RTN3: variants seen among roughly 807,000 people sequenced by gnomAD.
RTN3 encodes reticulon 3, also known as reticulon-3.
A neutral mutation model predicts 77.8 loss-of-function variants in RTN3; 49 were observed. The observed-to-expected ratio is 0.63, with a 90% CI of 0.50 to 0.80. RTN3 has a LOEUF of 0.80. Among genes scored for constraint, RTN3 ranks in the 30% least tolerant of loss-of-function variants. The pLI, the probability that RTN3 is intolerant of heterozygous loss-of-function variation, is 0.00. For synonymous variants in RTN3, 464 were observed against 446.9 expected, an observed-to-expected ratio of 1.04 and a Z score of -0.48; for missense variants, 1,236 against 1,211.9, an observed-to-expected ratio of 1.02 and a Z score of -0.29.
At chr11:63,746,722 G>A (rs2013818973) in intron 3 of RTN3, among the ~76,000 whole-genome samples, 1 of 151,996 alleles carries the variant, frequency 6.6e-6, no homozygotes, top group African/African-American at 2.4e-5. Context: ...CACGATGTTA[G>A]CCAGGATGGT....
intron 3 of RTN3, among the ~76,000 whole-genome samples, chr11:63,735,585 T>TCTCTCTCTCTCTCTCC: frequency 6.7e-6 from 1 of 149,104 alleles, no homozygotes; most frequent in African/African-American, 2.5e-5. Flanking sequence ...TCTCTCTCTC[T>TCTCTCTCTCTCTCTCC]CTCTCTCTCT....
At position 63,720,232 on chromosome 11, in the gene RTN3, C is replaced by CT. The variant is rs745515160; in HGVS notation, c.1731dup (p.Ser578Ter). Reference sequence around the variant, plus strand: ...CCTGATATTCTTGGAAGGAGTCCAGCTAGTGAGGCAGCATGTTCAAAAGTA... The same window carrying CT: ...CCTGATATTCTTGGAAGGAGTCCAGCTTAGTGAGGCAGCATGTTCAAAAGTA... On this transcript the variant is annotated frameshift_variant, in exon 3 of 9. Transcript: ENST00000377819. LOFTEE classifies it high-confidence loss of function. 7 of 1,614,082 alleles carry CT rather than the reference C, an allele frequency of 4.3e-6. No individual in the cohort carries two copies. Among genetic ancestry groups the CT allele is most frequent in the Non-Finnish European group, 5.9e-6 (7 of 1,179,978 alleles).
chr11:63,752,233 C>T (rs375313379), intron 4 of RTN3, among the ~76,000 whole-genome samples: 13 of 150,646 alleles, frequency 8.6e-5, no homozygotes, highest in East Asian at 5.8e-4. Context: ...AATGGATTTA[C>T]CTTCATGAAT....
In RTN3 at chr11:63,758,262, T is replaced by TA; in HGVS notation, c.*62dup. Reference sequence around the variant, plus strand: ...CACCATTTAATAGTTATAACGTCGTTACTTGTACTATGAAGGAAAATACTC... The same window carrying TA: ...CACCATTTAATAGTTATAACGTCGTTAACTTGTACTATGAAGGAAAATACTC... On this transcript the variant is annotated 3_prime_UTR_variant, in exon 9 of 9. Transcript: ENST00000377819. 6.2e-7 allele frequency: 1 copy of TA among 1,613,720 alleles called. No individual in the cohort carries two copies. Among genetic ancestry groups the TA allele is most frequent in the Middle Eastern group, 1.7e-4 (1 of 6,060 alleles).
chr11:63,734,773 A>ACG (rs1279945851), intron 3 of RTN3, among the ~76,000 whole-genome samples: 2 of 147,122 alleles, frequency 1.4e-5, no homozygotes, highest in South Asian at 2.2e-4. Flanking sequence ...ACACACACAC[A>ACG]CACACACACC....
chr11:63,724,508 T>TAA (rs1337620457), intron 3 of RTN3, among the ~76,000 whole-genome samples: 2 of 123,472 alleles, frequency 1.6e-5, no homozygotes, highest in African/African-American at 6.9e-5. Context: ...TTTTTTTTTT[T>TAA]AAAGACAGAG....
intron 3 of RTN3, among the ~76,000 whole-genome samples, chr11:63,734,713 TAGAG>T (rs1214781833): frequency 2.2e-5 from 3 of 133,782 alleles, no homozygotes; most frequent in Admixed American, 1.5e-4. Context: ...GCCTGGGTGA[TAGAG>T]GGAGACTCTG....
intron 1 of RTN3, among the ~76,000 whole-genome samples, chr11:63,693,306 A>G (rs542369317): frequency 1.3e-5 from 2 of 152,240 alleles, no homozygotes; most frequent in South Asian, 4.2e-4. Flanking sequence ...CAACATGGAG[A>G]AACGCCATCT....
intron 1 of RTN3, among the ~76,000 whole-genome samples, chr11:63,685,849 T>C (rs992916561): frequency 2.6e-5 from 4 of 152,168 alleles, no homozygotes; most frequent in Non-Finnish European, 4.4e-5. Flanking sequence ...ACCTGTCCAG[T>C]AATTAATTTT....
rs11231583 is a variant in RTN3, at chr11:63,748,584, A to G, written c.2531-1407A>G. Among the ~76,000 whole-genome samples, 838 of 150,926 alleles carry G rather than the reference A, an allele frequency of 5.6e-3. 6 individuals are homozygous for G. Among genetic ancestry groups the G allele is most frequent in the African/African-American group, 0.02 (816 of 40,992 alleles). On this transcript the variant is annotated intron_variant, in intron 3 of 8. Coordinates refer to ENST00000377819, the MANE Select transcript of RTN3 (RefSeq NM_001265589.2). ...AGTCTGGTCTTGAGCTCCTGGCCTC[A>G]AGTGATCCACCAGCCTCGGACTCCC...
chr11:63,702,961 A>G (rs1440609845), intron 1 of RTN3, among the ~76,000 whole-genome samples: 1 of 152,114 alleles, frequency 6.6e-6, no homozygotes, highest in Non-Finnish European at 1.5e-5. Context: ...CTGGGATTAC[A>G]GGTGTGAGCC....
At chr11:63,691,186 T>C (rs1941638787) in intron 1 of RTN3, among the ~76,000 whole-genome samples, 1 of 146,104 alleles carries the variant, frequency 6.8e-6, no homozygotes, top group South Asian at 2.2e-4. Flanking sequence ...AGTGGCACGA[T>C]CTCTGCTCAC....
chr11:63,751,204 A>C (rs1442007403), intron 4 of RTN3, among the ~76,000 whole-genome samples: 1 of 152,204 alleles, frequency 6.6e-6, no homozygotes, highest in Non-Finnish European at 1.5e-5. Context: ...GGGAAAGCAG[A>C]GCACCTAGAG....
At chr11:63,724,525 C>T (rs1189973050) in intron 3 of RTN3, among the ~76,000 whole-genome samples, 6 of 114,190 alleles carry the variant, frequency 5.3e-5, no homozygotes, top group Admixed American at 1.9e-4. Flanking sequence ...AGAGTCTCAC[C>T]GTGTTGCCCA....
intron 2 of RTN3, among the ~76,000 whole-genome samples, chr11:63,706,556 A>ATGTG (rs759777824): frequency 1.3e-5 from 2 of 152,092 alleles, no homozygotes; most frequent in African/African-American, 4.8e-5. Context: ...TTCCTTTATA[A>ATGTG]TGTGTCTCAT....
rs773388472 is a variant in RTN3 at position 63,721,009 on chromosome 11, C to G, written c.2507C>G (p.Ala836Gly). 4 of 1,602,100 alleles carry G rather than the reference C, an allele frequency of 2.5e-6. No homozygotes were observed. The highest frequency in any genetic ancestry group is 4.5e-5 in the East Asian group (2 of 44,610). Reference protein sequence around the residue: ...KTELVKKHVLARLLTDFSVHD... With the variant: ...KTELVKKHVLGRLLTDFSVHD... ...GAATTGGTAAAAAAGCATGTCCTAGCAAGACTTCTGACAGACTTCTCAGGT... is the reference window on the plus strand; with the variant it reads ...GAATTGGTAAAAAAGCATGTCCTAGGAAGACTTCTGACAGACTTCTCAGGT... The change falls in exon 3 of 9, where the codon GCA becomes GGA. Residue 836 changes from alanine to glycine, a missense_variant. By Grantham distance (60) the Ala-to-Gly change is moderately conservative. Transcript: ENST00000377819.
intron 1 of RTN3, among the ~76,000 whole-genome samples, chr11:63,686,394 C>T (rs936955950): frequency 3.3e-5 from 5 of 151,390 alleles, no homozygotes; most frequent in Admixed American, 1.3e-4. Context: ...TGGCGTGAAC[C>T]CAGGAGGCGG....
At chr11:63,744,751 G>A (rs546589606) in intron 3 of RTN3, among the ~76,000 whole-genome samples, 9 of 152,268 alleles carry the variant, frequency 5.9e-5, no homozygotes, top group African/African-American at 2.2e-4. Flanking sequence ...CAGTACTTTG[G>A]GAAGCCAAGG....
intron 4 of RTN3, among the ~76,000 whole-genome samples, chr11:63,751,147 A>C (rs1039836947): frequency 2.0e-5 from 3 of 152,176 alleles, no homozygotes; most frequent in African/African-American, 7.2e-5. Flanking sequence ...TGGGATTACT[A>C]TGCATGAGCC....
Sources: gnomAD v4.1 joint callset for allele counts (sites outside exome capture counted in the v4.1 genomes callset) on GRCh38, gnomAD v4.1.1 for gene constraint, MANE v1.5 for transcripts, NCBI Gene and HGNC (gene_info 2026-07-23, HGNC 2026-07-21) for gene names.